Variants in CXCL13 observed in about 807,000 individuals in gnomAD.
CXCL13 encodes C-X-C motif chemokine ligand 13.
Under a neutral mutation model 12.2 loss-of-function variants are expected in CXCL13, and 7 were observed. The ratio of observed to expected loss-of-function variants is 0.57; its 90% CI spans 0.33 to 1.07. CXCL13 has a LOEUF of 1.07. CXCL13 is among the 50% of genes least tolerant of loss of function. The pLI is 0.04. For synonymous variants in CXCL13, 47 were observed against 42.4 expected, an observed-to-expected ratio of 1.11 and a Z score of -0.42; for missense variants, 113 against 127.4, an observed-to-expected ratio of 0.89 and a Z score of 0.55.
chr4:77,546,563 A>G (rs575076716), intron 1 of CXCL13, among the ~76,000 whole-genome samples: 1 of 152,278 alleles, frequency 6.6e-6, no homozygotes, highest in South Asian at 2.1e-4. Flanking sequence ...CTCTGATGGT[A>G]GTTTGTATTT....
At chr4:77,561,970 C>A (rs1257266349) in intron 1 of CXCL13, among the ~76,000 whole-genome samples, 1 of 152,154 alleles carries the variant, frequency 6.6e-6, no homozygotes, top group South Asian at 2.1e-4. Flanking sequence ...CTTGGTGGGC[C>A]CTGCACTTGG....
At chr4:77,529,346 T>C (rs564325153) in intron 1 of CXCL13, among the ~76,000 whole-genome samples, 3 of 152,220 alleles carry the variant, frequency 2.0e-5, no homozygotes, top group Non-Finnish European at 4.4e-5. Context: ...GGGGATGGCA[T>C]TGAATCTATA....
chr4:77,580,973 A>G (rs1726320326), intron 1 of CXCL13, among the ~76,000 whole-genome samples: 1 of 151,656 alleles, frequency 6.6e-6, no homozygotes, highest in South Asian at 2.1e-4. Flanking sequence ...AAAAAAACCT[A>G]TCCCCTAAGT....
chr4:77,562,191 G>A lies in CXCL13; in HGVS notation c.-42-43633G>A, dbSNP rs1179291178. On this transcript the variant is annotated intron_variant, in intron 1 of 4. Coordinates refer to the CXCL13 transcript ENST00000286758. ...CTGCCCCCACCCCCCCATCACTGCA[G>A]CCCCCCGCCCCGCCTACAGCCACCC... Among the ~76,000 whole-genome samples, 101 of 46,838 alleles carry A rather than the reference G, an allele frequency of 2.2e-3. No individual in the cohort carries two copies. In the East Asian group the frequency reaches 0.038, roughly 17 times the overall value. 30.7% of individuals were successfully genotyped at this position (46,838 alleles called of 152,430 possible). A position where few individuals can be genotyped will look rare whatever the true frequency, so the allele number is the denominator to read the frequency against.
chr4:77,535,151 G>C (rs74897939), intron 1 of CXCL13, among the ~76,000 whole-genome samples: 2,950 of 152,276 alleles, frequency 0.019, 87 homozygotes, highest in African/African-American at 0.052. Flanking sequence ...CAAGTTAATA[G>C]TTTCTTAAAA....
intron 1 of CXCL13, among the ~76,000 whole-genome samples, chr4:77,522,839 G>T (rs1724645318): frequency 1.3e-5 from 2 of 151,952 alleles, no homozygotes; most frequent in South Asian, 4.2e-4. Context: ...ATTTGCAGTG[G>T]CTTCTACCAG....
chr4:77,567,519 A>T (rs935991982), intron 1 of CXCL13, among the ~76,000 whole-genome samples: 15 of 152,248 alleles, frequency 9.9e-5, no homozygotes, highest in African/African-American at 3.6e-4. Flanking sequence ...AACTCTGTTA[A>T]CAACTAAAGC....
chr4:77,586,767 A>C (rs1330927087), intron 1 of CXCL13, among the ~76,000 whole-genome samples: 1 of 152,176 alleles, frequency 6.6e-6, no homozygotes, highest in Non-Finnish European at 1.5e-5. Flanking sequence ...TATATGCTTG[A>C]TGTTAGTCAG....
Position 77,513,626 on chromosome 4 carries a change from G to T in CXCL13, c.-43+1838G>T, listed in dbSNP as rs146683492. Reference sequence around the variant, plus strand: ...ACCACCAGGCCAAGCTAATTTTATTGTCTTTTTAGTAGAGTCGGGGTTTTA... The same window carrying T: ...ACCACCAGGCCAAGCTAATTTTATTTTCTTTTTAGTAGAGTCGGGGTTTTA... On this transcript the variant is annotated intron_variant, in intron 1 of 4. Transcript: ENST00000286758. Among the ~76,000 whole-genome samples, 252 of 151,964 alleles carry T rather than the reference G, an allele frequency of 1.7e-3. 2 individuals carry two copies. The highest frequency in any genetic ancestry group is 5.7e-3 in the African/African-American group (236 of 41,468).
intron 1 of CXCL13, among the ~76,000 whole-genome samples, chr4:77,514,197 G>T (rs948934189): frequency 6.6e-6 from 1 of 152,038 alleles, no homozygotes; most frequent in African/African-American, 2.4e-5. Context: ...TCTTAATCCA[G>T]TCTGTCATTG....
chr4:77,583,890 G>A (rs1053959347), intron 1 of CXCL13, among the ~76,000 whole-genome samples: 2 of 152,122 alleles, frequency 1.3e-5, no homozygotes, highest in African/African-American at 2.4e-5. Flanking sequence ...TTGTTTTGTT[G>A]TTTGTTGCTG....
intron 1 of CXCL13, among the ~76,000 whole-genome samples, chr4:77,561,035 C>T (rs532735289): frequency 3.5e-4 from 53 of 152,278 alleles, no homozygotes; most frequent in African/African-American, 1.2e-3. Flanking sequence ...GGTTATGTTC[C>T]ATTTAAGGCT....
At chr4:77,591,759 C>T (rs1049195519) in intron 1 of CXCL13, among the ~76,000 whole-genome samples, 1 of 152,228 alleles carries the variant, frequency 6.6e-6, no homozygotes, top group African/African-American at 2.4e-5. Context: ...CAGCCCTGCC[C>T]CAGCTTCATA....
intron 1 of CXCL13, among the ~76,000 whole-genome samples, chr4:77,541,096 G>A (rs1250352606): frequency 6.6e-6 from 1 of 151,994 alleles, no homozygotes; most frequent in Non-Finnish European, 1.5e-5. Context: ...ATTCTTAATG[G>A]GGTTATTTTC....
chr4:77,519,377 T>C (rs974004003), intron 1 of CXCL13, among the ~76,000 whole-genome samples: 2 of 152,226 alleles, frequency 1.3e-5, no homozygotes, highest in Admixed American at 6.5e-5. Flanking sequence ...CTGGGAGCTG[T>C]AGACCGGAGC....
chr4:77,526,741 G>A (rs1344003531), intron 1 of CXCL13, among the ~76,000 whole-genome samples: 1 of 152,116 alleles, frequency 6.6e-6, no homozygotes, highest in Non-Finnish European at 1.5e-5. Flanking sequence ...GGCTAAACAT[G>A]AGGGAAGGGA....
intron 1 of CXCL13, among the ~76,000 whole-genome samples, chr4:77,552,433 C>T (rs1157518006): frequency 6.6e-6 from 1 of 152,188 alleles, no homozygotes; most frequent in South Asian, 2.1e-4. Flanking sequence ...CCATAGATGG[C>T]ACTTATGGGT....
intron 1 of CXCL13, among the ~76,000 whole-genome samples, chr4:77,516,635 T>C (rs1244598297): frequency 6.6e-6 from 1 of 152,216 alleles, no homozygotes; most frequent in Admixed American, 6.5e-5. Context: ...TTTGTATTTC[T>C]GTGGGATCAG....
chr4:77,608,753 C>T (rs1727069124), intron 2 of CXCL13, among the ~76,000 whole-genome samples: 1 of 152,200 alleles, frequency 6.6e-6, no homozygotes, highest in South Asian at 2.1e-4. Flanking sequence ...ACGTCTTTAA[C>T]AATAATGTCT....
Sources: gnomAD v4.1 joint callset for allele counts (sites outside exome capture counted in the v4.1 genomes callset) on GRCh38, gnomAD v4.1.1 for gene constraint, MANE v1.5 for transcripts, NCBI Gene and HGNC (gene_info 2026-07-23, HGNC 2026-07-21) for gene names.